DNAJC15: variants seen among roughly 807,000 people sequenced by gnomAD.
The protein encoded by DNAJC15 is dnaJ homolog subfamily C member 15.
Under a neutral mutation model 22.4 loss-of-function variants are expected in DNAJC15, and 27 were observed. The observed-to-expected ratio is 1.20, with a 90% CI of 0.89 to 1.66. The LOEUF (loss-of-function observed/expected upper bound fraction) is 1.66, where lower values mean the gene tolerates loss of function less well. Among genes scored for constraint, DNAJC15 ranks in the 40% most tolerant of loss-of-function variants. The pLI, the probability that DNAJC15 is intolerant of heterozygous loss-of-function variation, is 0.00. For synonymous variants in DNAJC15, 79 were observed against 63.2 expected, an observed-to-expected ratio of 1.25 and a Z score of -1.19; for missense variants, 208 against 187.1, an observed-to-expected ratio of 1.11 and a Z score of -0.65.
rs1342721590 is a variant in DNAJC15, at chr13:43,109,984, T to C, written c.*2736T>C. 2.0e-5 allele frequency: 3 copies of C among 152,228 alleles called. No homozygotes were observed. Among genetic ancestry groups the C allele is most frequent in the Non-Finnish European group, 2.9e-5 (2 of 68,044 alleles). 9.4% of individuals were successfully genotyped at this position (152,228 alleles called of 1,614,324 possible). On this transcript the variant is annotated 3_prime_UTR_variant, in exon 6 of 6. Transcript: ENST00000379221. The stretch of plus-strand genomic sequence containing the variant: ...TACTTCTTTCACTGCCTCATTTAAT[T>C]AGTTTTATCTTTAATAATACCTTGG...
At chr13:43,046,384 A>T (rs2040477089) in intron 1 of DNAJC15, among the ~76,000 whole-genome samples, 1 of 151,952 alleles carries the variant, frequency 6.6e-6, no homozygotes, top group Admixed American at 6.6e-5. Flanking sequence ...GCTACAAGAG[A>T]CATCTCGGTG....
intron 5 of DNAJC15, among the ~76,000 whole-genome samples, chr13:43,103,201 A>G (rs949130570): frequency 3.9e-5 from 6 of 152,140 alleles, no homozygotes; most frequent in Non-Finnish European, 5.9e-5. Context: ...GATCTTCTAT[A>G]TGTGTTTAAT....
In DNAJC15 at chr13:43,109,850, A is replaced by G. The variant is rs1281048513; in HGVS notation, c.*2602A>G. 1 of 143,512 alleles carries G rather than the reference A, an allele frequency of 7.0e-6. No individual in the cohort carries two copies. Among genetic ancestry groups the G allele is most frequent in the Non-Finnish European group, 1.6e-5 (1 of 62,492 alleles). 8.9% of individuals were successfully genotyped at this position (143,512 alleles called of 1,614,324 possible). A position where few individuals can be genotyped will look rare whatever the true frequency, so the allele number is the denominator to read the frequency against. On this transcript the variant is annotated 3_prime_UTR_variant, in exon 6 of 6. Coordinates refer to ENST00000379221, the MANE Select transcript of DNAJC15 (RefSeq NM_013238.3). Reference sequence around the variant, plus strand: ...GTTGTGCACATGTGCCCTAGAACTTAAAGTATAATAAAAAGAAATTTTAAA... The same window carrying G: ...GTTGTGCACATGTGCCCTAGAACTTGAAGTATAATAAAAAGAAATTTTAAA...
chr13:43,055,612 C>T (rs1319701632), intron 1 of DNAJC15, among the ~76,000 whole-genome samples: 5 of 152,136 alleles, frequency 3.3e-5, no homozygotes, highest in African/African-American at 1.2e-4. Flanking sequence ...GTATTTGGAT[C>T]TTCTCTCTTC....
At chr13:43,059,184 C>G (rs999875991) in intron 1 of DNAJC15, among the ~76,000 whole-genome samples, 4 of 151,816 alleles carry the variant, frequency 2.6e-5, no homozygotes, top group Non-Finnish European at 5.9e-5. Flanking sequence ...GGTTACAAGG[C>G]CTTTGTTTTT....
chr13:43,073,855 GTT>G (rs1237829055), intron 3 of DNAJC15, among the ~76,000 whole-genome samples: 1 of 148,636 alleles, frequency 6.7e-6, no homozygotes, highest in Admixed American at 6.7e-5. Flanking sequence ...CCTTTTGCTT[GTT>G]TTTTTGTTTT....
At chr13:43,068,306 A>C (rs2040592828) in intron 2 of DNAJC15, among the ~76,000 whole-genome samples, 1 of 152,110 alleles carries the variant, frequency 6.6e-6, no homozygotes, top group African/African-American at 2.4e-5. Flanking sequence ...GTTAAAACTC[A>C]GGGGAGTTTT....
chr13:43,103,868 C>T (rs1394724172), intron 5 of DNAJC15, among the ~76,000 whole-genome samples: 1 of 152,040 alleles, frequency 6.6e-6, no homozygotes, highest in Non-Finnish European at 1.5e-5. Context: ...GTAGACTGAC[C>T]CTTGTAACAC....
intron 1 of DNAJC15, among the ~76,000 whole-genome samples, chr13:43,043,351 T>C (rs7325818): frequency 0.25 from 38,647 of 152,040 alleles, 5,080 homozygotes; most frequent in South Asian, 0.39. Flanking sequence ...TCAGTTGATC[T>C]ACCCGCCTTG....
rs1015047962 is a variant in DNAJC15 at position 43,108,640 on chromosome 13, T to C, written c.*1392T>C. The C allele has an allele frequency of 2.6e-5, 4 of 152,064 alleles. No individual in the cohort carries two copies. The highest frequency in any genetic ancestry group is 5.9e-5 in the Non-Finnish European group (4 of 67,988). The allele number at this position is 152,064 out of a possible 1,614,324, so 9.4% of individuals were successfully genotyped here. A position where few individuals can be genotyped will look rare whatever the true frequency, so the allele number is the denominator to read the frequency against. ...ATGTTAGGCCAAATAATTTTTTTTG[T>C]GGGAGGTCTCTTGTGCGTTTTAGAT... On this transcript the variant is annotated 3_prime_UTR_variant, in exon 6 of 6. Coordinates refer to ENST00000379221, the MANE Select transcript of DNAJC15 (RefSeq NM_013238.3).
In DNAJC15 at chr13:43,036,328, T is replaced by G. The variant is rs184450344; in HGVS notation, c.108+12594T>G. Reference sequence around the variant, plus strand: ...CTACGGGTCGCACCACCACACCCAGTGCAGCCCTCAACAGAGAGGAGACTG... The same window carrying G: ...CTACGGGTCGCACCACCACACCCAGGGCAGCCCTCAACAGAGAGGAGACTG... On this transcript the variant is annotated intron_variant, in intron 1 of 5. Coordinates refer to ENST00000379221, the MANE Select transcript of DNAJC15 (RefSeq NM_013238.3). Among the ~76,000 whole-genome samples the G allele has an allele frequency of 3.9e-5, 6 of 152,114 alleles. No individual in the cohort carries two copies. In the East Asian group the frequency reaches 9.7e-4, roughly 25 times the overall value.
At chr13:43,028,565 T>A (rs2040390764) in intron 1 of DNAJC15, among the ~76,000 whole-genome samples, 1 of 152,238 alleles carries the variant, frequency 6.6e-6, no homozygotes, top group Non-Finnish European at 1.5e-5. Context: ...GAGTTTAACA[T>A]GATCTAAACC....
intron 5 of DNAJC15, among the ~76,000 whole-genome samples, chr13:43,091,353 G>T (rs1046503611): frequency 6.6e-6 from 1 of 152,202 alleles, no homozygotes; most frequent in African/African-American, 2.4e-5. Context: ...CTCCCAAAGT[G>T]CTGGGATTAC....
At chr13:43,047,471 G>A (rs574662233) in intron 1 of DNAJC15, among the ~76,000 whole-genome samples, 1 of 152,166 alleles carries the variant, frequency 6.6e-6, no homozygotes, top group East Asian at 2.0e-4. Context: ...AACAAAAGGA[G>A]TAAGAGTAAA....
chr13:43,064,765 C>G (rs1593319286), intron 1 of DNAJC15, among the ~76,000 whole-genome samples: 1 of 152,048 alleles, frequency 6.6e-6, no homozygotes, highest in Non-Finnish European at 1.5e-5. Flanking sequence ...GAGGGTTGCT[C>G]CAGCAGCAAT....
At chr13:43,088,394 A>G (rs2040699073) in intron 5 of DNAJC15, among the ~76,000 whole-genome samples, 1 of 152,170 alleles carries the variant, frequency 6.6e-6, no homozygotes, top group Non-Finnish European at 1.5e-5. Flanking sequence ...ATGTCCTATT[A>G]GCTCTCCTTC....
intron 1 of DNAJC15, among the ~76,000 whole-genome samples, chr13:43,025,175 T>C (rs551507805): frequency 1.3e-5 from 2 of 152,206 alleles, no homozygotes; most frequent in Non-Finnish European, 2.9e-5. Flanking sequence ...TTTTCCCTTA[T>C]GACTTGCTGA....
chr13:43,101,719 A>G (rs1566218104), intron 5 of DNAJC15, among the ~76,000 whole-genome samples: 2 of 152,238 alleles, frequency 1.3e-5, no homozygotes, highest in African/African-American at 2.4e-5. Context: ...TTTGCATAGA[A>G]TAATGGTCTC....
At chr13:43,042,711 C>G (rs187359520) in intron 1 of DNAJC15, among the ~76,000 whole-genome samples, 1 of 152,230 alleles carries the variant, frequency 6.6e-6, no homozygotes, top group Admixed American at 6.5e-5. Flanking sequence ...GGATGAGATT[C>G]TTGAGGCAGT....
Sources: gnomAD v4.1 joint callset for allele counts (sites outside exome capture counted in the v4.1 genomes callset) on GRCh38, gnomAD v4.1.1 for gene constraint, MANE v1.5 for transcripts, NCBI Gene and HGNC (gene_info 2026-07-23, HGNC 2026-07-21) for gene names.